The following GABRB2 variants were observed in gnomAD, a reference collection of about 807,000 sequenced individuals.
GABRB2 encodes gamma-aminobutyric acid receptor subunit beta-2.
In GABRB2, 16 loss-of-function variants were observed where a neutral mutation model predicts 54.7. That is an observed-to-expected ratio of 0.29 (90% CI 0.20 to 0.44). The LOEUF (loss-of-function observed/expected upper bound fraction) is 0.44. Among genes scored for constraint, GABRB2 ranks in the 20% least tolerant of loss-of-function variants. GABRB2 has a pLI of 1.00. For missense variants in GABRB2, 355 were observed against 644.0 expected (o/e 0.55, Z 4.86); for synonymous variants, 244 against 233.8 (o/e 1.04, Z -0.40).
rs547222668 is a variant in GABRB2 at position 161,506,802 on chromosome 5, T to G, written c.237+38425A>C. ...ATAGACCCATACTTAATATATTTTATATTTTTGAAAAAGACACCAAAGCAA... is the reference window on the plus strand; with the variant it reads ...ATAGACCCATACTTAATATATTTTAGATTTTTGAAAAAGACACCAAAGCAA... On this transcript the variant is annotated intron_variant, in intron 3 of 9. Transcript: ENST00000393959. Among the ~76,000 whole-genome samples, 17 of 152,232 alleles carry G rather than the reference T, an allele frequency of 1.1e-4. No individual in the cohort carries two copies. The East Asian group carries it at 3.1e-3, about 28-fold the overall frequency.
chr5:161,541,060 GGTCTTGAAT>G (rs2113477041), intron 3 of GABRB2, among the ~76,000 whole-genome samples: 1 of 152,178 alleles, frequency 6.6e-6, no homozygotes, highest in African/African-American at 2.4e-5. Context: ...TGCCTAGGCT[GGTCTTGAAT>G]GTCTGGGCTC....
intron 3 of GABRB2, among the ~76,000 whole-genome samples, chr5:161,477,975 T>C (rs554117291): frequency 9.9e-5 from 15 of 152,148 alleles, no homozygotes; most frequent in East Asian, 3.9e-4. Context: ...GCTTTGTGTA[T>C]AGTAAACACA....
rs543810508 is a variant in GABRB2 at position 161,351,613 on chromosome 5, G to A, written c.542-14844C>T. Among the ~76,000 whole-genome samples the A allele has an allele frequency of 3.3e-4, 50 of 152,072 alleles. No homozygotes were observed. The South Asian group carries it at 4.1e-3, about 13-fold the overall frequency. The stretch of plus-strand genomic sequence containing the variant: ...TAAAACTACTAGAAGAAAACAAAGC[G>A]GGAAAAGCTCCATGACATTGGTCTG... On this transcript the variant is annotated intron_variant, in intron 5 of 9. Coordinates refer to ENST00000393959, the MANE Select transcript of GABRB2 (RefSeq NM_001371727.1).
rs907699433 is a variant in GABRB2 at position 161,293,621 on chromosome 5, A to G, written c.*460T>C. On this transcript the variant is annotated 3_prime_UTR_variant, in exon 10 of 10. Transcript: ENST00000393959. Reference sequence around the variant, plus strand: ...CCATTATCATCTCAGTAAGAAAATCATAGATCATCTTCAAGTAATGTGTTT... The same window carrying G: ...CCATTATCATCTCAGTAAGAAAATCGTAGATCATCTTCAAGTAATGTGTTT... 1.3e-5 allele frequency: 2 copies of G among 156,900 alleles called. No individual in the cohort carries two copies. Among genetic ancestry groups the G allele is most frequent in the African/African-American group, 2.4e-5 (1 of 41,494 alleles). 9.7% of individuals were successfully genotyped at this position (156,900 alleles called of 1,614,324 possible).
chr5:161,482,437 T>C (rs1758790677), intron 3 of GABRB2, among the ~76,000 whole-genome samples: 1 of 152,150 alleles, frequency 6.6e-6, no homozygotes, highest in Non-Finnish European at 1.5e-5. Context: ...TTAATTCTTC[T>C]TTCTCAATAT....
chr5:161,447,690 A>G (rs549389928), intron 4 of GABRB2, among the ~76,000 whole-genome samples: 36 of 152,292 alleles, frequency 2.4e-4, no homozygotes, highest in Non-Finnish European at 5.0e-4. Flanking sequence ...CAAAATAAGG[A>G]GACAGGAATG....
intron 3 of GABRB2, among the ~76,000 whole-genome samples, chr5:161,539,312 T>C (rs1342337677): frequency 6.6e-6 from 1 of 152,202 alleles, no homozygotes; most frequent in Non-Finnish European, 1.5e-5. Context: ...CTCAGGAGCA[T>C]TCTAATTGAG....
Position 161,522,227 on chromosome 5 carries a change from G to C in GABRB2, c.237+23000C>G, listed in dbSNP as rs557169524. Among the ~76,000 whole-genome samples the C allele has an allele frequency of 6.6e-5, 10 of 151,874 alleles. No homozygotes were observed. The South Asian group carries it at 1.7e-3, about 25-fold the overall frequency. On this transcript the variant is annotated intron_variant, in intron 3 of 9. Coordinates refer to ENST00000393959, the MANE Select transcript of GABRB2 (RefSeq NM_001371727.1). ...CACACATTTGAGATTAGACACATTTGATTCAGAAATAAAACTACCTCTGGA... is the reference window on the plus strand; with the variant it reads ...CACACATTTGAGATTAGACACATTTCATTCAGAAATAAAACTACCTCTGGA...
At chr5:161,441,459 T>C (rs753374802) in intron 4 of GABRB2, among the ~76,000 whole-genome samples, 1 of 152,094 alleles carries the variant, frequency 6.6e-6, no homozygotes, top group African/African-American at 2.4e-5. Flanking sequence ...CAATAACAAA[T>C]GGTGATGACG....
At chr5:161,317,216 T>C (rs1269233666) in intron 9 of GABRB2, among the ~76,000 whole-genome samples, 2 of 152,218 alleles carry the variant, frequency 1.3e-5, no homozygotes, top group African/African-American at 2.4e-5. Context: ...ACAGTGTATG[T>C]TATTTGGGTG....
intron 5 of GABRB2, among the ~76,000 whole-genome samples, chr5:161,387,907 G>T (rs1008988500): frequency 2.6e-5 from 4 of 152,000 alleles, no homozygotes; most frequent in African/African-American, 9.7e-5. Context: ...AACCCTAACA[G>T]TTTTAAGGAT....
chr5:161,427,660 G>C (rs75749027), intron 4 of GABRB2, among the ~76,000 whole-genome samples: 6,197 of 152,184 alleles, frequency 0.041, 161 homozygotes, highest in Middle Eastern at 0.075. Context: ...AAACTGTAGG[G>C]ACTGCTAAAT....
chr5:161,378,242 A>G (rs1281881034), intron 5 of GABRB2, among the ~76,000 whole-genome samples: 1 of 152,150 alleles, frequency 6.6e-6, no homozygotes, highest in East Asian at 1.9e-4. Flanking sequence ...GGGTGGTTGT[A>G]GTGAGACTTA....
chr5:161,397,041 A>C (rs1179682462), intron 5 of GABRB2, among the ~76,000 whole-genome samples: 1 of 152,216 alleles, frequency 6.6e-6, no homozygotes, highest in East Asian at 1.9e-4. Context: ...TGCTCATCTT[A>C]CATTGAAGAT....
chr5:161,535,283 T>G (rs1376071159), intron 3 of GABRB2, among the ~76,000 whole-genome samples: 1 of 152,166 alleles, frequency 6.6e-6, no homozygotes, highest in African/African-American at 2.4e-5. Flanking sequence ...ACTGTGAATA[T>G]TATATAATGC....
chr5:161,305,615 A>C (rs181023353), intron 9 of GABRB2, among the ~76,000 whole-genome samples: 95 of 152,342 alleles, frequency 6.2e-4, no homozygotes, highest in Non-Finnish European at 1.3e-3. Context: ...TAACTGATCT[A>C]ATCTTTTCAT....
chr5:161,400,006 C>T (rs1364924373), intron 5 of GABRB2, among the ~76,000 whole-genome samples: 1 of 152,074 alleles, frequency 6.6e-6, no homozygotes, highest in East Asian at 1.9e-4. Context: ...ATTCTGGAGG[C>T]TATCATGAAG....
chr5:161,463,563 A>T (rs1401014498), intron 3 of GABRB2, among the ~76,000 whole-genome samples: 1 of 86,710 alleles, frequency 1.2e-5, no homozygotes, highest in Non-Finnish European at 2.8e-5. Flanking sequence ...ATTTATATAT[A>T]TATATATATA....
At chr5:161,359,305 G>A (rs1754732310) in intron 5 of GABRB2, among the ~76,000 whole-genome samples, 1 of 152,014 alleles carries the variant, frequency 6.6e-6, no homozygotes, top group Non-Finnish European at 1.5e-5. Flanking sequence ...CTATTATGTA[G>A]AGTTGACATA....
Sources: allele counts gnomAD v4.1 joint callset (sites outside exome capture counted in the v4.1 genomes callset), GRCh38; gene constraint gnomAD v4.1.1; transcripts MANE v1.5; gene names NCBI Gene and HGNC (gene_info 2026-07-23, HGNC 2026-07-21).